RPSA2: variants seen among roughly 807,000 people sequenced by gnomAD.
The protein encoded by RPSA2 is ribosomal protein SA 2.
the RPSA2 span, among the ~76,000 whole-genome samples, chr19:23,840,885 A>T: frequency 6.7e-6 from 1 of 150,296 alleles, no homozygotes; most frequent in South Asian, 2.1e-4. Flanking sequence ...TCTCTTGAAC[A>T]CAGGAGGCAG....
chr19:23,806,062 T>TTTTTGG, the RPSA2 span, among the ~76,000 whole-genome samples: 1 of 150,272 alleles, frequency 6.7e-6, no homozygotes, highest in Non-Finnish European at 1.5e-5. Flanking sequence ...TTTTTTTTTT[T>TTTTTGG]GAGACGGAAC....
chr19:23,849,634 C>G, the RPSA2 span, among the ~76,000 whole-genome samples: 1 of 152,162 alleles, frequency 6.6e-6, no homozygotes, highest in Non-Finnish European at 1.5e-5. Flanking sequence ...AAAGAATGAG[C>G]TGAACCTCCT....
the RPSA2 span, among the ~76,000 whole-genome samples, chr19:23,798,192 A>C: frequency 2.6e-5 from 4 of 152,186 alleles, no homozygotes; most frequent in Non-Finnish European, 5.9e-5. Flanking sequence ...AGTAAAACTC[A>C]TTCCAAGAGC....
At chr19:23,815,032 G>A in the RPSA2 span, among the ~76,000 whole-genome samples, 1 of 152,024 alleles carries the variant, frequency 6.6e-6, no homozygotes, top group African/African-American at 2.4e-5. Flanking sequence ...TATTTGTAGG[G>A]ATAGAGTCTC....
the RPSA2 span, chr19:23,808,610 G>A: frequency 3.3e-6 from 1 of 304,714 alleles, no homozygotes; most frequent in Non-Finnish European, 6.5e-6. Flanking sequence ...TAGTATATTG[G>A]GATAAATTTA....
the RPSA2 span, among the ~76,000 whole-genome samples, chr19:23,845,412 G>T: frequency 6.6e-6 from 1 of 151,510 alleles, no homozygotes; most frequent in African/African-American, 2.4e-5. Flanking sequence ...TGCCCTCTTA[G>T]TACTATATTT....
chr19:23,790,968 C>T, the RPSA2 span, among the ~76,000 whole-genome samples: 1 of 152,194 alleles, frequency 6.6e-6, no homozygotes, highest in African/African-American at 2.4e-5. Flanking sequence ...CCCCGGGCGT[C>T]CTGTCTTCCC....
At chr19:23,773,189 C>A in the RPSA2 span, among the ~76,000 whole-genome samples, 4 of 150,740 alleles carry the variant, frequency 2.7e-5, no homozygotes, top group Non-Finnish European at 3.0e-5. Flanking sequence ...CTCCACCTCC[C>A]AGGTGCACGC....
chr19:23,843,571 G>A, the RPSA2 span, among the ~76,000 whole-genome samples: 2 of 152,088 alleles, frequency 1.3e-5, no homozygotes, highest in African/African-American at 4.8e-5. Flanking sequence ...TTGCTTTGGG[G>A]CAATATGAGA....
At chr19:23,761,926 T>TCCTTCCTTCA in the RPSA2 span, among the ~76,000 whole-genome samples, 1 of 124,780 alleles carries the variant, frequency 8.0e-6, no homozygotes, top group Non-Finnish European at 1.6e-5. Flanking sequence ...CTTTCTTTTT[T>TCCTTCCTTCA]TTTTTTTTTG....
the RPSA2 span, among the ~76,000 whole-genome samples, chr19:23,852,905 G>T: frequency 1.3e-5 from 2 of 152,214 alleles, no homozygotes; most frequent in Non-Finnish European, 2.9e-5. Flanking sequence ...AACAGGAGGT[G>T]TCTGTTGAAT....
chr19:23,806,047 C>CTTTCT, the RPSA2 span, among the ~76,000 whole-genome samples: 28 of 126,380 alleles, frequency 2.2e-4, no homozygotes, highest in East Asian at 1.6e-3. Context: ...TTCTTTCTTT[C>CTTTCT]TTTTTTTTTT....
At chr19:23,843,584 ATCTC>A in the RPSA2 span, among the ~76,000 whole-genome samples, 7 of 152,184 alleles carry the variant, frequency 4.6e-5, no homozygotes, top group Non-Finnish European at 7.3e-5. Context: ...ATATGAGAAT[ATCTC>A]TAACTATTTT....
At chr19:23,848,071 G>T in the RPSA2 span, among the ~76,000 whole-genome samples, 78,130 of 152,028 alleles carry the variant, frequency 0.51, 20,535 homozygotes, top group South Asian at 0.62. Flanking sequence ...CAATCAATTT[G>T]TACAGTTAAC....
chr19:23,797,316 G>GTC, the RPSA2 span, among the ~76,000 whole-genome samples: 5 of 152,032 alleles, frequency 3.3e-5, no homozygotes, highest in African/African-American at 1.2e-4. Context: ...CACCATCTTG[G>GTC]CCAGGCTGGT....
At chr19:23,770,965 T>A in the RPSA2 span, among the ~76,000 whole-genome samples, 1 of 152,208 alleles carries the variant, frequency 6.6e-6, no homozygotes, top group Non-Finnish European at 1.5e-5. Context: ...ATGACTCTCA[T>A]ACCTCTAAAC....
At chr19:23,770,871 A>G in the RPSA2 span, among the ~76,000 whole-genome samples, 2 of 152,160 alleles carry the variant, frequency 1.3e-5, no homozygotes, top group African/African-American at 2.4e-5. Flanking sequence ...CTGCCCCAAA[A>G]TGCGGTGATG....
chr19:23,805,927 A>G, the RPSA2 span, among the ~76,000 whole-genome samples: 1 of 152,146 alleles, frequency 6.6e-6, no homozygotes, highest in South Asian at 2.1e-4. Flanking sequence ...CTCACCATGA[A>G]TTCGTGATCT....
At chr19:23,765,600 C>A in the RPSA2 span, among the ~76,000 whole-genome samples, 4 of 152,088 alleles carry the variant, frequency 2.6e-5, no homozygotes, top group African/African-American at 9.7e-5. Context: ...AACACATAGA[C>A]CCGTAGAGGG....
Sources: allele counts gnomAD v4.1 joint callset (sites outside exome capture counted in the v4.1 genomes callset), GRCh38; gene constraint gnomAD v4.1.1; transcripts MANE v1.5; gene names NCBI Gene and HGNC (gene_info 2026-07-23, HGNC 2026-07-21).